The following ROGDI variants were observed in gnomAD, a reference collection of about 807,000 sequenced individuals.
The protein encoded by ROGDI is protein rogdi homolog.
A neutral mutation model predicts 43.1 loss-of-function variants in ROGDI; 46 were observed. That is an observed-to-expected ratio of 1.07 (90% CI 0.84 to 1.37). The LOEUF (loss-of-function observed/expected upper bound fraction) is 1.37. Among genes scored for constraint, ROGDI ranks in the 40% most tolerant of loss-of-function variants. ROGDI has a pLI of 0.00. For missense variants in ROGDI, 518 were observed against 383.9 expected, an observed-to-expected ratio of 1.35 and a Z score of -2.92; for synonymous variants, 243 against 162.0, an observed-to-expected ratio of 1.50 and a Z score of -3.80.
intron 6 of ROGDI, 47 bp downstream of exon 6, chr16:4,799,639 C>T: frequency 6.9e-7 from 1 of 1,451,640 alleles, no homozygotes; most frequent in East Asian, 2.3e-5. Flanking sequence ...GATTCCGGAT[C>T]AAGAACGTGG....
intron 7 of ROGDI, 177 bp from the exon 8 acceptor site, chr16:4,798,361 G>C (rs544716022): frequency 1.4e-6 from 1 of 701,092 alleles, no homozygotes; most frequent in African/African-American, 1.8e-5. Context: ...CTCCTGTGCT[G>C]TCAGGTTTGG....
rs1306081025 is a variant in ROGDI at position 4,801,338 on chromosome 16, C to T, written c.201-17G>A. On this transcript the variant is annotated splice_polypyrimidine_tract_variant and intron_variant, in intron 3 of 10. Transcript: ENST00000322048. ...TGGTCTGTGCTGTAACATGTGGCGT[C>T]AGAGCGGTGCCTGTGGTCACCCCCC... 2.5e-6 allele frequency: 4 copies of T among 1,599,954 alleles called. No individual in the cohort carries two copies. In the South Asian group the frequency reaches 4.5e-5, roughly 18 times the overall value.
chr16:4,797,483 A>C lies in ROGDI; in HGVS notation c.841T>G (p.Tyr281Asp). Residue 281 changes from tyrosine to aspartate, a missense_variant, in exon 11 of 11, where the codon TAC (tyrosine) becomes GAC (aspartate). Physicochemically the swap from Tyr to Asp is radical, Grantham distance 160. Transcript: ENST00000322048. ...GATCAGAAGGGTCTGTAGCTCCAGT[A>C]GCTGGAGAACACGGAGATCTGCAAG... is the stretch of plus-strand genomic sequence containing the variant. ...LKDKISVFSS[Y>D]WSYRPF is the part of the protein sequence containing the mutation. 6.2e-7 allele frequency: 1 copy of C among 1,613,548 alleles called. No individual in the cohort carries two copies. Among genetic ancestry groups the C allele is most frequent in the Non-Finnish European group, 8.5e-7 (1 of 1,179,668 alleles).
At chr16:4,801,019 A>G (rs2082708966) in intron 4 of ROGDI, 1 of 509,836 alleles carries the variant, frequency 2.0e-6, no homozygotes, top group Admixed American at 3.6e-5. Flanking sequence ...ACCAATGCCC[A>G]TGTTTCACTG....
At chr16:4,801,200 A>G in intron 4 of ROGDI, 67 bp downstream of exon 4, 1 of 1,362,318 alleles carries the variant, frequency 7.3e-7, no homozygotes, top group South Asian at 1.3e-5. Context: ...TTGTACAGAG[A>G]GAAAGTGGGA....
At position 4,797,103 on chromosome 16, in the gene ROGDI, C is replaced by T. The variant is rs990470313; in HGVS notation, c.*357G>A. Reference sequence around the variant, plus strand: ...ATCCCCGGGACTCATAGCTCAGTGCCACCCCCCGACACCATGCCCTCCAGG... The same window carrying T: ...ATCCCCGGGACTCATAGCTCAGTGCTACCCCCCGACACCATGCCCTCCAGG... On this transcript the variant is annotated 3_prime_UTR_variant, in exon 11 of 11. Transcript: ENST00000322048. The T allele has an allele frequency of 1.1e-5, 3 of 274,564 alleles. No homozygotes were observed. The highest frequency in any genetic ancestry group is 1.6e-4 in the East Asian group (2 of 12,418). 17.0% of individuals were successfully genotyped at this position (274,564 alleles called of 1,614,324 possible). A position where few individuals can be genotyped will look rare whatever the true frequency, so the allele number is the denominator to read the frequency against.
intron 1 of ROGDI, 24 bp from the exon 2 acceptor site, chr16:4,802,477 C>T: frequency 8.2e-7 from 1 of 1,225,410 alleles, no homozygotes; most frequent in Non-Finnish European, 1.0e-6. Flanking sequence ...CCGGCGGTCG[C>T]GCCCGGCCCC....
Position 4,798,054 on chromosome 16 carries a change from C to A in ROGDI, c.645+17G>T, listed in dbSNP as rs1312361266. ...TGTGCATGGCGGGCAGTGGGCCGGG[C>A]AGGGGTCCCTCCTCACCTTGGTGGA... On this transcript the variant is annotated intron_variant, in intron 8 of 10. Coordinates refer to ENST00000322048, the MANE Select transcript of ROGDI (RefSeq NM_024589.3). The A allele has an allele frequency of 6.8e-6, 11 of 1,613,554 alleles. No homozygotes were observed. In the East Asian group the frequency reaches 2.2e-4, roughly 33 times the overall value.
At chr16:4,798,908 G>A (rs1379881824) in intron 6 of ROGDI, 1 of 538,412 alleles carries the variant, frequency 1.9e-6, no homozygotes, top group African/African-American at 2.0e-5. Flanking sequence ...GATCCTGGGT[G>A]CTGGATCAAT....
In ROGDI at chr16:4,798,393, G is replaced by A. The variant is rs560369242; in HGVS notation, c.531+176C>T. On this transcript the variant is annotated intron_variant, in intron 7 of 10. Coordinates refer to ENST00000322048, the MANE Select transcript of ROGDI (RefSeq NM_024589.3). ...TTGGGAACCACTAACCCGAAACAGG[G>A]TTAACGTATTTTAGGGGCACAGGAC... 21 of 701,376 alleles carry A rather than the reference G, an allele frequency of 3.0e-5. No homozygotes were observed. The East Asian group carries it at 5.7e-4, about 19-fold the overall frequency. The allele number at this position is 701,376 out of a possible 1,614,324, so 43.4% of individuals were successfully genotyped here.
chr16:4,798,363 C>G, intron 7 of ROGDI, 179 bp from the exon 8 acceptor site: 1 of 702,228 alleles, frequency 1.4e-6, no homozygotes, highest in Non-Finnish European at 2.4e-6. Flanking sequence ...CCTGTGCTGT[C>G]AGGTTTGGGA....
intron 2 of ROGDI, 166 bp from the exon 3 acceptor site, chr16:4,801,751 G>T: frequency 7.9e-6 from 5 of 634,778 alleles, no homozygotes; most frequent in Non-Finnish European, 1.4e-5. Context: ...AGCCCCCAGG[G>T]CACCTAACCG....
Position 4,798,067 on chromosome 16 carries a change from T to C in ROGDI, c.645+4A>G. The stretch of plus-strand genomic sequence containing the variant: ...CAGTGGGCCGGGCAGGGGTCCCTCC[T>C]CACCTTGGTGGAGTTGGGCTGCAGG... On this transcript the variant is annotated splice_donor_region_variant and intron_variant, in intron 8 of 10. Coordinates refer to ENST00000322048, the MANE Select transcript of ROGDI (RefSeq NM_024589.3). The C allele has an allele frequency of 6.2e-7, 1 of 1,613,792 alleles. No homozygotes were observed. Among genetic ancestry groups the C allele is most frequent in the South Asian group, 1.1e-5 (1 of 91,068 alleles).
At chr16:4,799,808 T>A in intron 5 of ROGDI, 27 bp from the exon 6 acceptor site, 3 of 1,548,278 alleles carry the variant, frequency 1.9e-6, no homozygotes, top group Non-Finnish European at 1.8e-6. Context: ...TCCAGAGGGG[T>A]CACGCCAGCT....
intron 9 of ROGDI, 44 bp downstream of exon 9, chr16:4,797,894 G>C (rs1276189037): frequency 6.2e-7 from 1 of 1,603,288 alleles, no homozygotes; most frequent in African/African-American, 1.3e-5. Context: ...AGGTGTGGAG[G>C]GATGGGGTGG....
intron 6 of ROGDI, 186 bp from the exon 7 acceptor site, chr16:4,798,853 G>A (rs1034038451): frequency 2.7e-5 from 16 of 597,948 alleles, no homozygotes; most frequent in Middle Eastern, 2.5e-4. Context: ...AGGGCAGGAT[G>A]TCTGCACTAA....
intron 6 of ROGDI, among the ~76,000 whole-genome samples, chr16:4,799,195 G>A (rs2082689219): frequency 6.6e-6 from 1 of 152,126 alleles, no homozygotes; most frequent in African/African-American, 2.4e-5. Context: ...TGAGTACCAG[G>A]GTGATGTGGC....
At chr16:4,800,315 C>G (rs1019857286) in intron 5 of ROGDI, among the ~76,000 whole-genome samples, 183 bp downstream of exon 5, 2 of 152,224 alleles carry the variant, frequency 1.3e-5, no homozygotes. Context: ...TCTACCTCCC[C>G]ACATGGCGCA....
intron 2 of ROGDI, chr16:4,802,074 C>T (rs917381881): frequency 4.8e-6 from 3 of 619,248 alleles, no homozygotes; most frequent in Admixed American, 2.1e-5. Context: ...TGAAGTCACA[C>T]TGCCAGGCAG....
Sources: gnomAD v4.1 joint callset for allele counts (sites outside exome capture counted in the v4.1 genomes callset) on GRCh38, gnomAD v4.1.1 for gene constraint, MANE v1.5 for transcripts, NCBI Gene and HGNC (gene_info 2026-07-23, HGNC 2026-07-21) for gene names.